The following TMTC1 variants were observed in gnomAD, a reference collection of about 807,000 sequenced individuals.
TMTC1 encodes the protein transmembrane O-mannosyltransferase targeting cadherins 1.
In TMTC1, 73 loss-of-function variants were observed where a neutral mutation model predicts 104.8. The observed-to-expected ratio is 0.70, with a 90% CI of 0.58 to 0.85. The LOEUF (loss-of-function observed/expected upper bound fraction) is 0.85. TMTC1 is among the 40% of genes least tolerant of loss of function. TMTC1 has a pLI of 0.00. For missense variants in TMTC1, 1,035 were observed against 1,096.1 expected (o/e 0.94, Z 0.79); for synonymous variants, 434 against 428.7 (o/e 1.01, Z -0.15).
chr12:29,637,113 CACACACACACAA>C (rs1429756491), intron 5 of TMTC1, among the ~76,000 whole-genome samples: 1 of 150,778 alleles, frequency 6.6e-6, no homozygotes, highest in African/African-American at 2.4e-5. Flanking sequence ...CACACACACA[CACACACACACAA>C]AAGAACAACA....
In TMTC1 at chr12:29,598,195, C is replaced by T. The variant is rs73073410; in HGVS notation, c.1250+5983G>A. On this transcript the variant is annotated intron_variant, in intron 7 of 17. Coordinates refer to ENST00000539277, the MANE Select transcript of TMTC1 (RefSeq NM_001193451.2). Reference sequence around the variant, plus strand: ...TGCTAAAGCAAATTTCTGTGATTTCCCTGTTGATATTAATATTTGGCAAAA... The same window carrying T: ...TGCTAAAGCAAATTTCTGTGATTTCTCTGTTGATATTAATATTTGGCAAAA... Among the ~76,000 whole-genome samples the T allele has an allele frequency of 3.6e-3, 547 of 152,246 alleles. 1 individual carries two copies. The highest frequency in any genetic ancestry group is 6.0e-3 in the South Asian group (29 of 4,814).
chr12:29,631,995 T>A (rs1424435167), intron 6 of TMTC1, among the ~76,000 whole-genome samples: 1 of 152,186 alleles, frequency 6.6e-6, no homozygotes, highest in Non-Finnish European at 1.5e-5. Flanking sequence ...CAAGTAAGTC[T>A]CCCAGGGCTT....
At chr12:29,659,395 G>C (rs1438582539) in intron 5 of TMTC1, among the ~76,000 whole-genome samples, 2 of 152,200 alleles carry the variant, frequency 1.3e-5, no homozygotes, top group African/African-American at 4.8e-5. Flanking sequence ...TGCTCTATTG[G>C]TTCCCACAAC....
chr12:29,565,772 A>G (rs1039502426), intron 9 of TMTC1, among the ~76,000 whole-genome samples: 9 of 152,236 alleles, frequency 5.9e-5, no homozygotes, highest in Admixed American at 2.0e-4. Context: ...TCTTGTACCC[A>G]GAAGGCAGAG....
intron 8 of TMTC1, among the ~76,000 whole-genome samples, chr12:29,579,494 G>C (rs552033507): frequency 4.6e-5 from 7 of 152,148 alleles, no homozygotes; most frequent in South Asian, 4.1e-4. Context: ...TTTTCCTACA[G>C]AGTAGGAAGA....
chr12:29,644,135 GTGTGTGTGTGTGTGTATATATA>G (rs1211496215), intron 5 of TMTC1, among the ~76,000 whole-genome samples: 1 of 101,388 alleles, frequency 9.9e-6, no homozygotes, highest in Non-Finnish European at 2.0e-5. Context: ...GTGTGTGTGT[GTGTGTGTGTGTGTGTATATATA>G]TATATAATGA....
chr12:29,648,792 T>A (rs1456455006), intron 5 of TMTC1, among the ~76,000 whole-genome samples: 1 of 152,242 alleles, frequency 6.6e-6, no homozygotes, highest in East Asian at 1.9e-4. Flanking sequence ...TTTGTTTCAA[T>A]GAATATACCC....
At chr12:29,608,714 A>C (rs976834348) in intron 6 of TMTC1, among the ~76,000 whole-genome samples, 11 of 152,176 alleles carry the variant, frequency 7.2e-5, no homozygotes, top group African/African-American at 2.7e-4. Context: ...CAAAGAGGTG[A>C]AAATCCTGTC....
chr12:29,705,674 C>A (rs1941720433), intron 5 of TMTC1, among the ~76,000 whole-genome samples: 1 of 152,172 alleles, frequency 6.6e-6, no homozygotes, highest in South Asian at 2.1e-4. Flanking sequence ...GAGATTTCCT[C>A]ATTTCTCTGT....
intron 6 of TMTC1, among the ~76,000 whole-genome samples, chr12:29,624,981 G>A (rs767907692): frequency 1.2e-4 from 19 of 152,200 alleles, no homozygotes; most frequent in African/African-American, 3.9e-4. Flanking sequence ...CACTGCATAC[G>A]CTTGTTTATT....
intron 10 of TMTC1, among the ~76,000 whole-genome samples, chr12:29,554,850 T>C (rs1945196932): frequency 6.6e-6 from 1 of 152,168 alleles, no homozygotes; most frequent in African/African-American, 2.4e-5. Flanking sequence ...GTCTCAAATA[T>C]ATACATGAAA....
chr12:29,548,640 T>G (rs1033427822), intron 10 of TMTC1, among the ~76,000 whole-genome samples: 1 of 151,944 alleles, frequency 6.6e-6, no homozygotes, highest in Non-Finnish European at 1.5e-5. Flanking sequence ...CATGTGAAAC[T>G]GTGAATCCAT....
At chr12:29,756,756 GT>G (rs759023163) in intron 3 of TMTC1, among the ~76,000 whole-genome samples, 1 of 152,162 alleles carries the variant, frequency 6.6e-6, no homozygotes, top group Non-Finnish European at 1.5e-5. Flanking sequence ...AAAGGCCAAT[GT>G]TTCTGTAGTT....
chr12:29,535,953 T>C (rs1592191464), intron 11 of TMTC1: 1 of 447,312 alleles, frequency 2.2e-6, no homozygotes, highest in South Asian at 2.9e-5. Context: ...TTGTTCTTGA[T>C]AGATTCTGTA....
chr12:29,544,589 C>A (rs1944891694), intron 10 of TMTC1, among the ~76,000 whole-genome samples: 1 of 152,190 alleles, frequency 6.6e-6, no homozygotes, highest in Non-Finnish European at 1.5e-5. Flanking sequence ...GGAACACCTG[C>A]CCCACTGTGC....
chr12:29,515,466 G>GC (rs1247870568), intron 15 of TMTC1, among the ~76,000 whole-genome samples: 37 of 152,236 alleles, frequency 2.4e-4, no homozygotes, highest in African/African-American at 8.4e-4. Flanking sequence ...CCTCAGAGAG[G>GC]CCCCTCACTG....
chr12:29,730,996 A>G (rs182609579), intron 5 of TMTC1, among the ~76,000 whole-genome samples: 199 of 152,322 alleles, frequency 1.3e-3, no homozygotes, highest in African/African-American at 4.4e-3. Flanking sequence ...TGGGTACTAC[A>G]TATTCTTGAG....
In TMTC1 at chr12:29,502,804, G is replaced by C. The variant is rs1712728568; in HGVS notation, c.*4042C>G. ...AGCCCTGTAGTGGTTCTCCAGCCTA[G>C]CTGCACATAAGAAGCATCACCAGGA... On this transcript the variant is annotated 3_prime_UTR_variant, in exon 18 of 18. Coordinates refer to ENST00000539277, the MANE Select transcript of TMTC1 (RefSeq NM_001193451.2). 6.6e-6 allele frequency: 1 copy of C among 152,130 alleles called. No homozygotes were observed. Among genetic ancestry groups the C allele is most frequent in the Non-Finnish European group, 1.5e-5 (1 of 68,032 alleles). The allele number at this position is 152,130 out of a possible 1,614,324, so 9.4% of individuals were successfully genotyped here. A position where few individuals can be genotyped will look rare whatever the true frequency, so the allele number is the denominator to read the frequency against.
At chr12:29,773,305 G>A (rs1331873351) in intron 1 of TMTC1, among the ~76,000 whole-genome samples, 2 of 152,132 alleles carry the variant, frequency 1.3e-5, no homozygotes, top group Non-Finnish European at 2.9e-5. Context: ...GGAGAGAAAG[G>A]GAGAAGAAAG....
Sources: gnomAD v4.1 joint callset for allele counts (sites outside exome capture counted in the v4.1 genomes callset) on GRCh38, gnomAD v4.1.1 for gene constraint, MANE v1.5 for transcripts, NCBI Gene and HGNC (gene_info 2026-07-23, HGNC 2026-07-21) for gene names.